Variants in PTPRG observed in about 807,000 individuals in gnomAD.
PTPRG encodes the protein receptor-type tyrosine-protein phosphatase gamma.
PTPRG carries 102 observed loss-of-function variants against 165.3 expected under a neutral mutation model. The observed-to-expected ratio is 0.62, with a 90% CI of 0.53 to 0.73. The LOEUF is 0.73. Ranked by LOEUF, PTPRG falls within the 30% of genes least tolerant of loss-of-function variation. The probability of loss-of-function intolerance (pLI) is 0.00; values close to 1 mark genes in which losing one functional copy is unlikely to be tolerated. For missense variants in PTPRG, 1,866 were observed against 1,861.4 expected, an observed-to-expected ratio of 1.00 and a Z score of -0.05; for synonymous variants, 675 against 669.5, an observed-to-expected ratio of 1.01 and a Z score of -0.13.
intron 10 of PTPRG, among the ~76,000 whole-genome samples, chr3:62,201,203 A>C (rs1249191834): frequency 6.6e-6 from 1 of 152,226 alleles, no homozygotes; most frequent in Admixed American, 6.5e-5. Context: ...ATTTTACCGT[A>C]TGTAAGCTTT....
chr3:61,809,574 G>A (rs2035513575), intron 2 of PTPRG, among the ~76,000 whole-genome samples: 1 of 152,116 alleles, frequency 6.6e-6, no homozygotes, highest in African/African-American at 2.4e-5. Context: ...GTTAATTTCT[G>A]TAAAATAAGT....
chr3:61,575,672 C>T (rs969127618), intron 1 of PTPRG, among the ~76,000 whole-genome samples: 9 of 146,890 alleles, frequency 6.1e-5, no homozygotes, highest in Admixed American at 1.4e-4. Flanking sequence ...ACTTTCGGCT[C>T]GCTGAAACCT....
At chr3:61,825,762 A>G (rs2036089900) in intron 2 of PTPRG, among the ~76,000 whole-genome samples, 1 of 139,852 alleles carries the variant, frequency 7.2e-6, no homozygotes, top group South Asian at 2.3e-4. Context: ...CTCCCTCCTC[A>G]TCCTCCTAAG....
chr3:62,034,775 C>T (rs550948417), intron 4 of PTPRG, among the ~76,000 whole-genome samples: 1 of 152,170 alleles, frequency 6.6e-6, no homozygotes, highest in African/African-American at 2.4e-5. Context: ...TAAATAAAAT[C>T]AAAGCCATGG....
chr3:61,847,556 A>G (rs566789530), intron 2 of PTPRG, among the ~76,000 whole-genome samples: 1 of 152,312 alleles, frequency 6.6e-6, no homozygotes, highest in South Asian at 2.1e-4. Flanking sequence ...CAGTGTGGCT[A>G]CCATCTTGGA....
chr3:61,901,486 A>T (rs1241720447), intron 2 of PTPRG, among the ~76,000 whole-genome samples: 3 of 152,232 alleles, frequency 2.0e-5, no homozygotes, highest in Non-Finnish European at 4.4e-5. Context: ...GGTAGATAAG[A>T]ACAACCTTGG....
intron 2 of PTPRG, among the ~76,000 whole-genome samples, chr3:61,769,071 T>C (rs1474006748): frequency 6.6e-6 from 1 of 152,218 alleles, no homozygotes; most frequent in Non-Finnish European, 1.5e-5. Flanking sequence ...GGGGATAAAA[T>C]GCCATTTAGT....
intron 6 of PTPRG, among the ~76,000 whole-genome samples, chr3:62,136,133 C>T (rs1334542022): frequency 1.3e-5 from 2 of 152,102 alleles, no homozygotes; most frequent in African/African-American, 4.8e-5. Context: ...ATCACACTCC[C>T]GTAGTGCTCA....
At chr3:61,984,122 T>C (rs1302911608) in intron 2 of PTPRG, among the ~76,000 whole-genome samples, 1 of 152,168 alleles carries the variant, frequency 6.6e-6, no homozygotes, top group Non-Finnish European at 1.5e-5. Flanking sequence ...TTCTCCCTAC[T>C]GTGGAAATAT....
Position 62,140,613 on chromosome 3 carries a change from G to A in PTPRG, c.682+7945G>A, listed in dbSNP as rs150626326. 2.5e-3 allele frequency among the ~76,000 whole-genome samples: 382 copies of A among 152,162 alleles called. No individual in the cohort carries two copies. In the Middle Eastern group the frequency reaches 0.041, roughly 16 times the overall value. ...TGTAATCCCAGCACTTTGGGAGGCC[G>A]AGGTGGGCAGATCACCTGAGGTCAG... On this transcript the variant is annotated intron_variant, in intron 6 of 29. Coordinates refer to ENST00000474889, the MANE Select transcript of PTPRG (RefSeq NM_002841.4).
At chr3:61,905,513 G>A (rs1346104390) in intron 2 of PTPRG, among the ~76,000 whole-genome samples, 5 of 152,148 alleles carry the variant, frequency 3.3e-5, no homozygotes, top group African/African-American at 9.7e-5. Context: ...TCAGATTAAA[G>A]GTGGTCTTTT....
chr3:61,657,334 G>A (rs1702534771), intron 1 of PTPRG, among the ~76,000 whole-genome samples: 1 of 152,136 alleles, frequency 6.6e-6, no homozygotes, highest in Non-Finnish European at 1.5e-5. Context: ...TTTATAACCA[G>A]TTTCAGGGGG....
intron 2 of PTPRG, among the ~76,000 whole-genome samples, chr3:61,882,021 T>C (rs2107472783): frequency 6.6e-6 from 1 of 152,314 alleles, no homozygotes; most frequent in African/African-American, 2.4e-5. Context: ...GGTAAGAGCT[T>C]ATGCGAAGGG....
rs778994257 is a variant in PTPRG at position 62,281,537 on chromosome 3, G to GTTTTTTTTTTTTTTTTTTTTTTTTTTTT, written c.3766-26_3766-25insTTTTTTTTTTTTTTTTTTTTTTTTTTTT. On this transcript the variant is annotated intron_variant, in intron 26 of 29. Coordinates refer to ENST00000474889, the MANE Select transcript of PTPRG (RefSeq NM_002841.4). The stretch of plus-strand genomic sequence containing the variant: ...ACAAATCCTTGACAGAACTGCAGAG[G>GTTTTTTTTTTTTTTTTTTTTTTTTTTTT]CTTTTTTTTTTTTTGGATTCCAAAG... 1.5e-4 allele frequency: 26 copies of GTTTTTTTTTTTTTTTTTTTTTTTTTTTT among 175,004 alleles called. 2 individuals are homozygous for GTTTTTTTTTTTTTTTTTTTTTTTTTTTT. The highest frequency in any genetic ancestry group is 8.0e-4 in the Admixed American group (3 of 3,738). 10.8% of individuals were successfully genotyped at this position (175,004 alleles called of 1,614,324 possible).
chr3:62,124,539 G>A (rs561622799), intron 5 of PTPRG: 4 of 1,480,776 alleles, frequency 2.7e-6, no homozygotes, highest in Admixed American at 3.3e-5. Flanking sequence ...GTTTTGCTCT[G>A]GGAGATGCCC....
chr3:62,086,022 A>G (rs2526418), intron 5 of PTPRG, among the ~76,000 whole-genome samples: 49,808 of 152,072 alleles, frequency 0.33, 10,279 homozygotes, highest in African/African-American at 0.59. Context: ...CAAGAATTAT[A>G]TCTTATGTAT....
At chr3:61,862,856 G>A (rs965083965) in intron 2 of PTPRG, among the ~76,000 whole-genome samples, 6 of 152,324 alleles carry the variant, frequency 3.9e-5, no homozygotes, top group Non-Finnish European at 5.9e-5. Flanking sequence ...CAAAGACTCA[G>A]AGTGGTTTAT....
intron 2 of PTPRG, among the ~76,000 whole-genome samples, chr3:61,814,869 CT>C (rs1272262184): frequency 6.6e-6 from 1 of 151,820 alleles, no homozygotes; most frequent in African/African-American, 2.4e-5. Context: ...TCATTTACCC[CT>C]GGCAGCAACT....
At chr3:61,841,819 AAAAC>A (rs2036642989) in intron 2 of PTPRG, among the ~76,000 whole-genome samples, 1 of 151,184 alleles carries the variant, frequency 6.6e-6, no homozygotes, top group South Asian at 2.1e-4. Context: ...CTCAAAAACA[AAAAC>A]AAAAACAAAA....
Sources: gnomAD v4.1 joint callset for allele counts (sites outside exome capture counted in the v4.1 genomes callset) on GRCh38, gnomAD v4.1.1 for gene constraint, MANE v1.5 for transcripts, NCBI Gene and HGNC (gene_info 2026-07-23, HGNC 2026-07-21) for gene names.